Variants in THSD4 observed in about 807,000 individuals in gnomAD.
THSD4 encodes the protein thrombospondin type-1 domain-containing protein 4.
THSD4 carries 69 observed loss-of-function variants against 119.0 expected under a neutral mutation model. That is an observed-to-expected ratio of 0.58 (90% CI 0.48 to 0.71). The LOEUF (loss-of-function observed/expected upper bound fraction) is 0.71, where lower values mean the gene tolerates loss of function less well. Among genes scored for constraint, THSD4 ranks in the 30% least tolerant of loss-of-function variants. The pLI is 0.00. For missense variants in THSD4, 1,393 were observed against 1,391.1 expected (o/e 1.00, Z -0.02); for synonymous variants, 524 against 540.4 (o/e 0.97, Z 0.42).
At chr15:71,716,590 GTT>G (rs11433832) in intron 8 of THSD4, among the ~76,000 whole-genome samples, 6 of 143,852 alleles carry the variant, frequency 4.2e-5, no homozygotes, top group Admixed American at 6.9e-5. Context: ...GTTGGTTTTT[GTT>G]TTTTTTTTTG....
Position 71,347,583 on chromosome 15 carries a change from T to C in THSD4, c.1016-64104T>C, listed in dbSNP as rs540935462. Among the ~76,000 whole-genome samples, 134 of 152,354 alleles carry C rather than the reference T, an allele frequency of 8.8e-4. 4 individuals carry two copies. The South Asian group carries it at 0.026, about 30-fold the overall frequency. ...TCGATTACCCTTCTTTTGGCGGGGATCCTCCTGGTCCTCTTTAGACTTGCA... is the reference window on the plus strand; with the variant it reads ...TCGATTACCCTTCTTTTGGCGGGGACCCTCCTGGTCCTCTTTAGACTTGCA... On this transcript the variant is annotated intron_variant, in intron 6 of 17. Transcript: ENST00000261862.
chr15:71,344,719 A>T (rs2045631743), intron 6 of THSD4, among the ~76,000 whole-genome samples: 1 of 152,218 alleles, frequency 6.6e-6, no homozygotes. Context: ...AGAAAAAGAA[A>T]TGTAGAAGCA....
intron 3 of THSD4, among the ~76,000 whole-genome samples, chr15:71,159,155 A>G (rs2141388184): frequency 1.3e-5 from 2 of 152,122 alleles, no homozygotes; most frequent in Non-Finnish European, 2.9e-5. Flanking sequence ...TGGGCTCTCT[A>G]TTCTGTTCCA....
At chr15:71,368,792 T>C (rs2046003285) in intron 6 of THSD4, among the ~76,000 whole-genome samples, 1 of 152,198 alleles carries the variant, frequency 6.6e-6, no homozygotes, top group South Asian at 2.1e-4. Flanking sequence ...CCATATGAAC[T>C]TTAAAGTAGT....
intron 6 of THSD4, among the ~76,000 whole-genome samples, chr15:71,352,089 A>AGATT (rs1171044862): frequency 6.6e-6 from 1 of 152,208 alleles, no homozygotes; most frequent in Non-Finnish European, 1.5e-5. Flanking sequence ...ACAAAAGAAA[A>AGATT]GACTGCCATG....
At chr15:71,214,130 G>A (rs1276046078) in intron 3 of THSD4, among the ~76,000 whole-genome samples, 1 of 152,116 alleles carries the variant, frequency 6.6e-6, no homozygotes, top group African/African-American at 2.4e-5. Context: ...TATAGCTAGA[G>A]GATTGTATAT....
intron 4 of THSD4, among the ~76,000 whole-genome samples, chr15:71,231,679 A>G (rs1275758144): frequency 1.3e-5 from 2 of 152,122 alleles, no homozygotes; most frequent in Non-Finnish European, 2.9e-5. Flanking sequence ...TCTTCAGCAC[A>G]TGGTGGGGAG....
In THSD4 at chr15:71,762,150, A is replaced by AAC. The variant is rs72267245; in HGVS notation, c.2590-2842_2590-2841dup. On this transcript the variant is annotated intron_variant, in intron 15 of 17. Coordinates refer to ENST00000261862, the MANE Select transcript of THSD4 (RefSeq NM_024817.3). ...AAATGCTGTCTCATGCGCGTGTGCA[A>AAC]ACACACACACACACACACACACACA... is the stretch of plus-strand genomic sequence containing the variant. Among the ~76,000 whole-genome samples, 1,099 of 112,290 alleles carry AAC rather than the reference A, an allele frequency of 9.8e-3. 6 individuals are homozygous for AAC. The highest frequency in any genetic ancestry group is 0.027 in the Middle Eastern group (5 of 188). The allele number at this position is 112,290 out of a possible 152,430, so 73.7% of individuals were successfully genotyped here.
In THSD4 at chr15:71,400,748, A is replaced by G. The variant is rs560550175; in HGVS notation, c.1016-10939A>G. On this transcript the variant is annotated intron_variant, in intron 6 of 17. Transcript: ENST00000261862. ...CTTCACTCATCAGCATCTGTTGGGT[A>G]AGCACCCTGTCACCTCCAAGTTTTA... Among the ~76,000 whole-genome samples, 130 of 152,260 alleles carry G rather than the reference A, an allele frequency of 8.5e-4. 1 individual carries two copies. The highest frequency in any genetic ancestry group is 3.0e-3 in the African/African-American group (126 of 41,540).
chr15:71,728,640 C>T lies in THSD4; in HGVS notation c.1449C>T (p.Thr483=). Residue 483 remains threonine (T), a synonymous_variant, in exon 9 of 18, where the codon ACC becomes ACT. Coordinates refer to ENST00000261862, the MANE Select transcript of THSD4 (RefSeq NM_024817.3). Reference sequence around the variant, plus strand: ...ACGAGGGCGGAGGGACCATGTTCACCTACAAGCGTCCAAATGAGATTTCGA... The same window carrying T: ...ACGAGGGCGGAGGGACCATGTTCACTTACAAGCGTCCAAATGAGATTTCGA... The part of the protein sequence containing the change: ...GKYEGGGTMF[T]YKRPNEISST... 1 of 1,614,212 alleles carries T rather than the reference C, an allele frequency of 6.2e-7. No individual in the cohort carries two copies. Among genetic ancestry groups the T allele is most frequent in the Non-Finnish European group, 8.5e-7 (1 of 1,180,042 alleles).
intron 6 of THSD4, among the ~76,000 whole-genome samples, chr15:71,405,529 A>AGAAT (rs2140491811): frequency 6.6e-6 from 1 of 152,366 alleles, no homozygotes; most frequent in South Asian, 2.1e-4. Context: ...CTAGACTCTT[A>AGAAT]AGTTCTATTC....
At chr15:71,757,445 A>G (rs984915130) in intron 14 of THSD4, among the ~76,000 whole-genome samples, 1 of 151,772 alleles carries the variant, frequency 6.6e-6, no homozygotes, top group Non-Finnish European at 1.5e-5. Context: ...TTTTATTTTT[A>G]GAGACAGGGT....
chr15:71,397,614 A>T (rs1030592025), intron 6 of THSD4, among the ~76,000 whole-genome samples: 33 of 152,234 alleles, frequency 2.2e-4, no homozygotes, highest in African/African-American at 7.5e-4. Flanking sequence ...ACTGTCCTTG[A>T]CCTTGAGAGG....
intron 6 of THSD4, among the ~76,000 whole-genome samples, chr15:71,378,508 G>T (rs1369721677): frequency 6.6e-6 from 1 of 152,198 alleles, no homozygotes; most frequent in African/African-American, 2.4e-5. Context: ...GAAAGACAAG[G>T]TCCCATCATC....
At chr15:71,724,287 A>ATATATATATATATATATATATATATTTTT in intron 8 of THSD4, among the ~76,000 whole-genome samples, 9 of 37,258 alleles carry the variant, frequency 2.4e-4, no homozygotes, top group Non-Finnish European at 3.0e-4. Flanking sequence ...ATATATATAT[A>ATATATATATATATATATATATATATTTTT]TTTTTTTTTT....
chr15:71,447,567 C>T (rs2140572639), intron 7 of THSD4, among the ~76,000 whole-genome samples: 1 of 152,280 alleles, frequency 6.6e-6, no homozygotes, highest in Non-Finnish European at 1.5e-5. Context: ...CCTACCAGAC[C>T]ACAAGTGCCT....
intron 8 of THSD4, among the ~76,000 whole-genome samples, chr15:71,674,860 T>C (rs1437520513): frequency 6.6e-6 from 1 of 152,216 alleles, no homozygotes; most frequent in Non-Finnish European, 1.5e-5. Context: ...CAGTGAAGAA[T>C]TATTCAGCTC....
At chr15:71,665,491 C>T (rs1036411644) in intron 8 of THSD4, among the ~76,000 whole-genome samples, 4 of 152,128 alleles carry the variant, frequency 2.6e-5, no homozygotes, top group Admixed American at 2.0e-4. Flanking sequence ...TGCAGATGCT[C>T]TTAAGTTTAA....
chr15:71,327,125 C>G (rs1161214587), intron 6 of THSD4, among the ~76,000 whole-genome samples: 1 of 152,182 alleles, frequency 6.6e-6, no homozygotes, highest in East Asian at 1.9e-4. Flanking sequence ...CGAGGTCACA[C>G]CACTGCACTC....
Sources: gnomAD v4.1 joint callset for allele counts (sites outside exome capture counted in the v4.1 genomes callset) on GRCh38, gnomAD v4.1.1 for gene constraint, MANE v1.5 for transcripts, NCBI Gene and HGNC (gene_info 2026-07-23, HGNC 2026-07-21) for gene names.